BSN: variants seen among roughly 807,000 people sequenced by gnomAD.
BSN encodes the protein bassoon presynaptic cytomatrix protein.
In BSN, 57 loss-of-function variants were observed where a neutral mutation model predicts 264.8. The ratio of observed to expected loss-of-function variants is 0.22; its 90% CI spans 0.17 to 0.27. The LOEUF is 0.27. Among genes scored for constraint, BSN ranks in the 10% least tolerant of loss-of-function variants. The probability of loss-of-function intolerance (pLI) is 1.00; values close to 1 mark genes in which losing one functional copy is unlikely to be tolerated. For synonymous variants in BSN, 2,059 were observed against 2,137.3 expected, an observed-to-expected ratio of 0.96 and a Z score of 1.01; for missense variants, 4,615 against 5,232.5, an observed-to-expected ratio of 0.88 and a Z score of 3.64.
At position 49,669,043 on chromosome 3, in the gene BSN, T is replaced by C. The variant is rs1021770433; in HGVS notation, c.*1558T>C. 42 of 140,144 alleles carry C rather than the reference T, an allele frequency of 3.0e-4. 1 individual carries two copies. The highest frequency in any genetic ancestry group is 1.1e-3 in the African/African-American group (40 of 38,076). The allele number at this position is 140,144 out of a possible 1,614,324, so 8.7% of individuals were successfully genotyped here. A position where few individuals can be genotyped will look rare whatever the true frequency, so the allele number is the denominator to read the frequency against. On this transcript the variant is annotated 3_prime_UTR_variant, in exon 12 of 12. Coordinates refer to ENST00000296452, the MANE Select transcript of BSN (RefSeq NM_003458.4). ...TGGCATGTTTGACCTGTGGCAGGAC[T>C]CGCTGCTGCCAGGTGAGTCACCGCC...
At chr3:49,561,997 T>G (rs1029362355) in intron 1 of BSN, among the ~76,000 whole-genome samples, 2 of 152,042 alleles carry the variant, frequency 1.3e-5, no homozygotes, top group African/African-American at 4.8e-5. Context: ...TAGTAGAGAC[T>G]GGGTTTCACC....
chr3:49,653,262 G>A lies in BSN; in HGVS notation c.3706G>A (p.Glu1236Lys). Residue 1236 changes from glutamate (E) to lysine (K), a missense_variant, in exon 5 of 12, where the codon GAG becomes AAG. Glu to Lys is a moderately conservative substitution (Grantham distance 56). This residue lies in a region of BSN where 3,415 missense variants were observed against 3,866.4 expected (regional missense o/e 0.88). Transcript: ENST00000296452. The surrounding 1 kb of genome is among the most constrained non-coding windows in gnomAD (Gnocchi z 6.3). ...SFEYQDTTDR[E>K]YGQAAQPAAE... is the part of the protein sequence containing the mutation. ...CGAATATCAAGACACTACAGACCGT[G>A]AGTATGGCCAGGCTGCTCAGCCTGC... 6 of 1,612,884 alleles carry A rather than the reference G, an allele frequency of 3.7e-6. No individual in the cohort carries two copies. The highest frequency in any genetic ancestry group is 4.2e-6 in the Non-Finnish European group (5 of 1,179,952).
chr3:49,623,147 A>G (rs2052317749), intron 1 of BSN, among the ~76,000 whole-genome samples: 1 of 152,096 alleles, frequency 6.6e-6, no homozygotes, highest in South Asian at 2.1e-4. Context: ...AAGCTGCCCT[A>G]TCAGTTGGCT....
chr3:49,635,928 A>C (rs1446786021), intron 2 of BSN, among the ~76,000 whole-genome samples: 4 of 151,692 alleles, frequency 2.6e-5, no homozygotes. Context: ...GCAGAGAGCC[A>C]TGATCATGGC....
In BSN at chr3:49,656,539, C is replaced by G. The variant is rs980469812; in HGVS notation, c.6983C>G (p.Pro2328Arg). 4 of 1,568,798 alleles carry G rather than the reference C, an allele frequency of 2.5e-6. No homozygotes were observed. In the African/African-American group the frequency reaches 5.5e-5, roughly 21 times the overall value. The change falls in exon 5 of 12, where the codon CCT becomes CGT. Residue 2328 changes from proline to arginine, a missense_variant. Around this residue, in one of 3 missense-constraint regions of BSN, gnomAD observed 3,415 missense variants for 3,866.4 expected, o/e 0.88. Transcript: ENST00000296452. ...AIKEAAGAPA[P>R]APLAGQKPPA... ...AAGGAGGCTGCAGGAGCCCCAGCTC[C>G]TGCCCCACTAGCTGGCCAGAAGCCA...
Position 49,660,439 on chromosome 3 carries a change from C to A in BSN, c.8641-47C>A. ...TCTGCCACCCCACACCCCATCAAGT[C>A]ACCACACCTTGGGTCTCAGTGCTGC... On this transcript the variant is annotated intron_variant, in intron 5 of 11. Coordinates refer to ENST00000296452, the MANE Select transcript of BSN (RefSeq NM_003458.4). This position sits in a 1 kb window ranked among gnomAD's most constrained non-coding sequence, Gnocchi z 7.1. 1 of 1,514,014 alleles carries A rather than the reference C, an allele frequency of 6.6e-7. No homozygotes were observed. Among genetic ancestry groups the A allele is most frequent in the South Asian group, 1.3e-5 (1 of 74,936 alleles). 93.8% of individuals were successfully genotyped at this position (1,514,014 alleles called of 1,614,324 possible).
intron 1 of BSN, among the ~76,000 whole-genome samples, chr3:49,593,258 T>C (rs2051994346): frequency 1.3e-5 from 2 of 152,248 alleles, no homozygotes; most frequent in Non-Finnish European, 2.9e-5. Context: ...CTGAGTAGTA[T>C]TTCATGGTAT....
chr3:49,596,112 A>G (rs1050594456), intron 1 of BSN, among the ~76,000 whole-genome samples: 3 of 152,194 alleles, frequency 2.0e-5, no homozygotes, highest in Non-Finnish European at 4.4e-5. Flanking sequence ...ACCATTAAGT[A>G]TAATGGTGGC....
Position 49,652,367 on chromosome 3 carries a change from C to A in BSN, c.2811C>A (p.Asn937Lys). 6.2e-7 allele frequency: 1 copy of A among 1,607,214 alleles called. No homozygotes were observed. The highest frequency in any genetic ancestry group is 1.1e-5 in the South Asian group (1 of 90,102). The change falls in exon 5 of 12, where the codon AAC becomes AAA. Residue 937 changes from asparagine (N) to lysine (K), a missense_variant. Transcript: ENST00000296452. ...GTCGCTTCAAGACCATTGAGCTCAA[C>A]AGCACGGGAAGTTATGGTCATGAGT... ...GLRRFKTIEL[N>K]STGSYGHELD...
chr3:49,565,505 A>G (rs890052743), intron 1 of BSN, among the ~76,000 whole-genome samples: 1 of 151,932 alleles, frequency 6.6e-6, no homozygotes, highest in African/African-American at 2.4e-5. Context: ...TATGTTTAAT[A>G]GAGACGGGGT....
intron 10 of BSN, 138 bp downstream of exon 10, chr3:49,664,991 T>G: frequency 3.0e-6 from 2 of 669,016 alleles, no homozygotes; most frequent in Admixed American, 2.4e-5. Flanking sequence ...AGCTGCAATG[T>G]TCCCTTCTCT....
chr3:49,620,440 CT>C (rs1468745192), intron 1 of BSN, among the ~76,000 whole-genome samples: 1 of 146,080 alleles, frequency 6.8e-6, no homozygotes, highest in East Asian at 2.0e-4. Context: ...CAAAACAAAA[CT>C]AAAGAAAAAA....
intron 1 of BSN, among the ~76,000 whole-genome samples, chr3:49,597,127 T>C (rs147217323): frequency 8.5e-4 from 129 of 152,300 alleles, no homozygotes; most frequent in African/African-American, 2.7e-3. Flanking sequence ...AATTTATGTC[T>C]TTTCCTTGTA....
intron 2 of BSN, among the ~76,000 whole-genome samples, chr3:49,627,220 G>A (rs532674866): frequency 2.5e-4 from 38 of 152,322 alleles, no homozygotes; most frequent in South Asian, 4.1e-4. Flanking sequence ...TTCCAGGACA[G>A]GGCTATGGTT....
rs537410630 is a variant in BSN, at chr3:49,637,642, G to A, written c.634-4626G>A. Among the ~76,000 whole-genome samples, 88 of 152,288 alleles carry A rather than the reference G, an allele frequency of 5.8e-4. 2 individuals carry two copies. In the South Asian group the frequency reaches 0.018, roughly 31 times the overall value. On this transcript the variant is annotated intron_variant, in intron 2 of 11. Transcript: ENST00000296452. ...CACACTGAATAGTTTGAGTAAGGAA[G>A]CAGCTAAAAAAGACTCTTCTCAGGG... is the stretch of plus-strand genomic sequence containing the variant.
chr3:49,608,584 C>T (rs2052178491), intron 1 of BSN, among the ~76,000 whole-genome samples: 2 of 152,238 alleles, frequency 1.3e-5, no homozygotes, highest in East Asian at 3.9e-4. Flanking sequence ...AATCCCAGCA[C>T]TTTGGGAGGC....
chr3:49,657,644 C>T lies in BSN; in HGVS notation c.8088C>T (p.Pro2696=). 6.3e-7 allele frequency: 1 copy of T among 1,594,442 alleles called. No individual in the cohort carries two copies. The highest frequency in any genetic ancestry group is 8.6e-7 in the Non-Finnish European group (1 of 1,167,354). The change falls in exon 5 of 12, where the codon CCC becomes CCT. Residue 2696 remains proline, a synonymous_variant. Transcript: ENST00000296452. The part of the protein sequence containing the change: ...PAIHITAATD[P]KVEIVRYISA... Reference sequence around the variant, plus strand: ...TCCACATCACAGCTGCCACCGATCCCAAGGTGGAGATCGTCAGGTACATAT... The same window carrying T: ...TCCACATCACAGCTGCCACCGATCCTAAGGTGGAGATCGTCAGGTACATAT...
chr3:49,574,444 G>T (rs2051825010), intron 1 of BSN, among the ~76,000 whole-genome samples: 1 of 151,940 alleles, frequency 6.6e-6, no homozygotes. Flanking sequence ...GCACATGGTA[G>T]CTTTTTTCAG....
intron 1 of BSN, among the ~76,000 whole-genome samples, chr3:49,600,967 T>C (rs1353581745): frequency 6.6e-6 from 1 of 152,134 alleles, no homozygotes; most frequent in Non-Finnish European, 1.5e-5. Context: ...GGCCTCATCT[T>C]GGAGCCAGTG....
Sources: gnomAD v4.1 joint callset for allele counts (sites outside exome capture counted in the v4.1 genomes callset) on GRCh38, gnomAD v4.1.1 for gene constraint, gnomAD v4.1.1 regional missense constraint, Gnocchi (gnomAD v3.1) non-coding constraint, MANE v1.5 for transcripts, NCBI Gene and HGNC (gene_info 2026-07-23, HGNC 2026-07-21) for gene names.